Variants in INHBC observed in about 807,000 individuals in gnomAD.
INHBC encodes the protein inhibin subunit beta C.
In INHBC, 10 loss-of-function variants were observed where a neutral mutation model predicts 12.4. The ratio of observed to expected loss-of-function variants is 0.81; its 90% CI spans 0.50 to 1.37. The LOEUF (loss-of-function observed/expected upper bound fraction) is 1.37. INHBC is among the 40% of genes most tolerant of loss of function. INHBC has a pLI of 0.00. For missense variants in INHBC, 382 were observed against 439.4 expected, an observed-to-expected ratio of 0.87 and a Z score of 1.17; for synonymous variants, 147 against 171.6, an observed-to-expected ratio of 0.86 and a Z score of 1.12.
intron 1 of INHBC, among the ~76,000 whole-genome samples, chr12:57,444,344 C>T (rs1054645711): frequency 2.0e-5 from 3 of 151,934 alleles, no homozygotes; most frequent in Non-Finnish European, 2.9e-5. Flanking sequence ...AGTTCCGGAG[C>T]GGCCTGGCCA....
At chr12:57,438,076 G>A (rs1158573959) in intron 1 of INHBC, among the ~76,000 whole-genome samples, 1 of 152,174 alleles carries the variant, frequency 6.6e-6, no homozygotes, top group Non-Finnish European at 1.5e-5. Flanking sequence ...GTGAGCCACT[G>A]CACCCACCCC....
At chr12:57,436,467 C>CT (rs1870342435) in intron 1 of INHBC, among the ~76,000 whole-genome samples, 1 of 119,024 alleles carries the variant, frequency 8.4e-6, no homozygotes, top group African/African-American at 3.1e-5. Flanking sequence ...CTGGCCTTTT[C>CT]TTTTTCTTTT....
At chr12:57,437,159 C>A (rs563795776) in intron 1 of INHBC, among the ~76,000 whole-genome samples, 33 of 152,172 alleles carry the variant, frequency 2.2e-4, no homozygotes, top group African/African-American at 7.7e-4. Flanking sequence ...CCTGAGATGG[C>A]GGATCATTGA....
At chr12:57,447,894 T>TAA (rs1870620872) in intron 1 of INHBC, among the ~76,000 whole-genome samples, 1 of 24,542 alleles carries the variant, frequency 4.1e-5, no homozygotes, top group Non-Finnish European at 8.1e-5. Context: ...AAAAAAAAAA[T>TAA]ATATATATAT....
At position 57,435,077 on chromosome 12, in the gene INHBC, A is replaced by G; in HGVS notation, c.191A>G (p.Asn64Ser). 6.2e-7 allele frequency: 1 copy of G among 1,614,134 alleles called. No homozygotes were observed. The highest frequency in any genetic ancestry group is 1.3e-5 in the African/African-American group (1 of 75,046). ...KLHLTQRPTLNRPVSRAALRT... is the reference protein window; with the variant it reads ...KLHLTQRPTLSRPVSRAALRT... ...CACCTCACCCAGCGCCCAACACTGA[A>G]CCGCCCTGTGTCCAGAGCTGCTTTG... Residue 64 changes from asparagine (N) to serine (S), a missense_variant, in exon 1 of 2, where the codon AAC (asparagine) becomes AGC (serine). Asn to Ser is a conservative substitution (Grantham distance 46). Coordinates refer to ENST00000309668, the MANE Select transcript of INHBC (RefSeq NM_005538.4).
intron 1 of INHBC, among the ~76,000 whole-genome samples, chr12:57,440,999 G>A (rs779155495): frequency 6.6e-6 from 1 of 152,134 alleles, no homozygotes; most frequent in Non-Finnish European, 1.5e-5. Flanking sequence ...CTTGAGGCCA[G>A]GAGTTTGAGA....
At chr12:57,438,514 C>T (rs187946754) in intron 1 of INHBC, among the ~76,000 whole-genome samples, 17 of 152,310 alleles carry the variant, frequency 1.1e-4, no homozygotes, top group Admixed American at 9.2e-4. Flanking sequence ...ATTCAATAGT[C>T]TATCCCAAGT....
chr12:57,449,401 G>A lies in INHBC; in HGVS notation c.438G>A (p.Trp146Ter). The change falls in exon 2 of 2, where the codon TGG becomes TGA. Residue 146 changes from tryptophan (W) to a stop codon, truncating the protein, a stop_gained. Transcript: ENST00000309668. LOFTEE classifies it low-confidence loss of function (END_TRUNC). ...FFVQLPSNTT[W>*]TLKVRVLVLG... Reference sequence around the variant, plus strand: ...TGCAGCTCCCTTCCAATACCACTTGGACCTTGAAAGTGAGAGTCCTTGTGC... The same window carrying A: ...TGCAGCTCCCTTCCAATACCACTTGAACCTTGAAAGTGAGAGTCCTTGTGC... 6.2e-7 allele frequency: 1 copy of A among 1,614,150 alleles called. No individual in the cohort carries two copies. The highest frequency in any genetic ancestry group is 8.5e-7 in the Non-Finnish European group (1 of 1,180,028).
chr12:57,435,722 G>T (rs1253604955), intron 1 of INHBC, among the ~76,000 whole-genome samples: 1 of 152,182 alleles, frequency 6.6e-6, no homozygotes, highest in Non-Finnish European at 1.5e-5. Context: ...GTCAAAATGG[G>T]ACTCAGAAAG....
Position 57,449,488 on chromosome 12 carries a change from TGGC to T in INHBC, c.526_528del (p.Gly176del), listed in dbSNP as rs1396728027. On this transcript the variant is annotated inframe_deletion, in exon 2 of 2. Transcript: ENST00000309668. ...AGTACCTGCTGGAGGTGGATGCCAG[TGGC>T]TGGCATCAACTCCCCCTAGGGCCTG... 1 of 1,613,988 alleles carries T rather than the reference TGGC, an allele frequency of 6.2e-7. No homozygotes were observed. Among genetic ancestry groups the T allele is most frequent in the Non-Finnish European group, 8.5e-7 (1 of 1,179,972 alleles).
At chr12:57,437,670 C>CAAAA (rs34920755) in intron 1 of INHBC, among the ~76,000 whole-genome samples, 1 of 113,898 alleles carries the variant, frequency 8.8e-6, no homozygotes, top group Non-Finnish European at 1.8e-5. Flanking sequence ...CACTCCGTCT[C>CAAAA]AAAAAAAAAA....
chr12:57,441,611 A>C (rs1019948064), intron 1 of INHBC, among the ~76,000 whole-genome samples: 1 of 151,630 alleles, frequency 6.6e-6, no homozygotes, highest in Non-Finnish European at 1.5e-5. Flanking sequence ...TTTTTGTTTC[A>C]GTTACTTATC....
Position 57,450,808 on chromosome 12 carries a change from G to C in INHBC, c.*786G>C, listed in dbSNP as rs1369845287. The stretch of plus-strand genomic sequence containing the variant: ...CTGGCTACCCCCTTCCATGGCCCCA[G>C]CTCTGCCTACATTCTGATATAACTG... On this transcript the variant is annotated 3_prime_UTR_variant, in exon 2 of 2. Coordinates refer to ENST00000309668, the MANE Select transcript of INHBC (RefSeq NM_005538.4). The C allele has an allele frequency of 6.6e-6, 1 of 152,498 alleles. No homozygotes were observed. The highest frequency in any genetic ancestry group is 1.9e-4 in the East Asian group (1 of 5,208). The allele number at this position is 152,498 out of a possible 1,614,324, so 9.4% of individuals were successfully genotyped here.
Position 57,451,962 on chromosome 12 carries a change from G to C in INHBC, c.*1940G>C. ...GGGTGGTGAACAATTTATTAATCAA[G>C]ATAGGACTTTAATGCAATATTATTT... On this transcript the variant is annotated 3_prime_UTR_variant, in exon 2 of 2. Transcript: ENST00000309668. 2.5e-6 allele frequency: 1 copy of C among 393,388 alleles called. No individual in the cohort carries two copies. Among genetic ancestry groups the C allele is most frequent in the East Asian group, 7.6e-5 (1 of 13,216 alleles). 24.4% of individuals were successfully genotyped at this position (393,388 alleles called of 1,614,324 possible). A position where few individuals can be genotyped will look rare whatever the true frequency, so the allele number is the denominator to read the frequency against.
At chr12:57,441,018 G>A (rs1870451560) in intron 1 of INHBC, among the ~76,000 whole-genome samples, 1 of 151,958 alleles carries the variant, frequency 6.6e-6, no homozygotes, top group African/African-American at 2.4e-5. Context: ...GACCACCCTG[G>A]TCAATATAGC....
chr12:57,444,372 C>G (rs138752459), intron 1 of INHBC, among the ~76,000 whole-genome samples: 7 of 152,060 alleles, frequency 4.6e-5, no homozygotes, highest in African/African-American at 1.7e-4. Flanking sequence ...AAAACTCCGT[C>G]TCTACTAAAA....
chr12:57,447,154 TA>T (rs900658167), intron 1 of INHBC, among the ~76,000 whole-genome samples: 3 of 146,294 alleles, frequency 2.1e-5, no homozygotes, highest in African/African-American at 4.9e-5. Flanking sequence ...AGACAAGGTA[TA>T]GGGGGAATGA....
intron 1 of INHBC, among the ~76,000 whole-genome samples, chr12:57,440,490 AC>A (rs1870441083): frequency 6.6e-6 from 1 of 151,764 alleles, no homozygotes; most frequent in Non-Finnish European, 1.5e-5. Flanking sequence ...ACACCACCAC[AC>A]CCAGCTAATT....
intron 1 of INHBC, among the ~76,000 whole-genome samples, chr12:57,445,836 C>A (rs538518295): frequency 5.3e-5 from 8 of 150,478 alleles, no homozygotes; most frequent in Non-Finnish European, 1.2e-4. Context: ...ACCTCTGCCT[C>A]GCAGGTTCAA....
Sources: allele counts gnomAD v4.1 joint callset (sites outside exome capture counted in the v4.1 genomes callset), GRCh38; gene constraint gnomAD v4.1.1; transcripts MANE v1.5; gene names NCBI Gene and HGNC (gene_info 2026-07-23, HGNC 2026-07-21).